Variants in TBC1D31 observed in about 807,000 individuals in gnomAD.
TBC1D31 encodes WD repeat domain 67.
In TBC1D31, 99 loss-of-function variants were observed where a neutral mutation model predicts 132.9. That is an observed-to-expected ratio of 0.74 (90% CI 0.63 to 0.88). The LOEUF (loss-of-function observed/expected upper bound fraction) is 0.88, where lower values mean the gene tolerates loss of function less well. TBC1D31 is among the 40% of genes least tolerant of loss of function. The pLI, the probability that TBC1D31 is intolerant of heterozygous loss-of-function variation, is 0.00. For synonymous variants in TBC1D31, 385 were observed against 419.4 expected (o/e 0.92, Z 1.00); for missense variants, 1,134 against 1,256.6 (o/e 0.90, Z 1.48).
intron 2 of TBC1D31, among the ~76,000 whole-genome samples, chr8:123,081,669 C>G (rs910164018): frequency 6.6e-6 from 1 of 152,200 alleles, no homozygotes; most frequent in South Asian, 2.1e-4. Context: ...GTTTAATGGA[C>G]TCTCTGTTCC....
Position 123,129,057 on chromosome 8 carries a change from C to A in TBC1D31, c.2118-9C>A. 1 of 1,519,132 alleles carries A rather than the reference C, an allele frequency of 6.6e-7. No homozygotes were observed. The highest frequency in any genetic ancestry group is 1.3e-5 in the South Asian group (1 of 75,922). The allele number at this position is 1,519,132 out of a possible 1,614,324, so 94.1% of individuals were successfully genotyped here. On this transcript the variant is annotated splice_polypyrimidine_tract_variant and intron_variant, in intron 14 of 21. Transcript: ENST00000287380. The stretch of plus-strand genomic sequence containing the variant: ...CTTTGTGTTTTCATAATAATATTAC[C>A]TACTTAAGGCAGACAGTTGAAGATA...
chr8:123,100,667 T>C, intron 6 of TBC1D31, 140 bp from the exon 7 acceptor site: 1 of 445,020 alleles, frequency 2.2e-6, no homozygotes, highest in Non-Finnish European at 4.0e-6. Flanking sequence ...TCAAAATATA[T>C]ATATTTATAC....
chr8:123,090,768 T>C (rs1217052597), intron 4 of TBC1D31, among the ~76,000 whole-genome samples: 4 of 151,916 alleles, frequency 2.6e-5, no homozygotes, highest in African/African-American at 9.7e-5. Flanking sequence ...CTGGCCAACA[T>C]AGTGAAACCC....
At chr8:123,151,688 G>C in intron 21 of TBC1D31, 118 bp from the exon 22 acceptor site, 1 of 1,076,366 alleles carries the variant, frequency 9.3e-7, no homozygotes, top group South Asian at 2.0e-5. Flanking sequence ...TAAAATTTAG[G>C]TTTTAGAATT....
intron 11 of TBC1D31, among the ~76,000 whole-genome samples, chr8:123,122,632 T>C (rs1819607758): frequency 6.6e-6 from 1 of 152,206 alleles, no homozygotes; most frequent in Non-Finnish European, 1.5e-5. Context: ...ATGGGATCAT[T>C]GTATAACCCT....
chr8:123,098,507 G>A lies in TBC1D31; in HGVS notation c.831+1066G>A, dbSNP rs368251639. On this transcript the variant is annotated intron_variant, in intron 6 of 21. Transcript: ENST00000287380. ...AGTAGAGACAGGGTTTCACCATACT[G>A]GCCAGGCTGACCTCAAGTGATCCAC... Among the ~76,000 whole-genome samples the A allele has an allele frequency of 1.8e-4, 28 of 152,230 alleles. No individual in the cohort carries two copies. The East Asian group carries it at 2.3e-3, about 13-fold the overall frequency.
intron 11 of TBC1D31, among the ~76,000 whole-genome samples, chr8:123,122,206 A>G (rs911200392): frequency 6.6e-6 from 1 of 152,230 alleles, no homozygotes; most frequent in Non-Finnish European, 1.5e-5. Context: ...ACCCAAAAGA[A>G]TTGAAAACTG....
At chr8:123,091,526 T>A (rs546680455) in intron 4 of TBC1D31, among the ~76,000 whole-genome samples, 1 of 152,356 alleles carries the variant, frequency 6.6e-6, no homozygotes, top group Non-Finnish European at 1.5e-5. Context: ...TACCACAGAT[T>A]GTCTTTAGCA....
intron 17 of TBC1D31, among the ~76,000 whole-genome samples, chr8:123,136,753 G>A (rs1821134908): frequency 6.6e-6 from 1 of 152,136 alleles, no homozygotes; most frequent in African/African-American, 2.4e-5. Flanking sequence ...CCCAGCCTAT[G>A]CTGAGTTTTT....
intron 2 of TBC1D31, among the ~76,000 whole-genome samples, chr8:123,081,664 A>G (rs894331051): frequency 4.6e-5 from 7 of 152,236 alleles, no homozygotes; most frequent in Non-Finnish European, 1.0e-4. Flanking sequence ...AAGAGGTTTA[A>G]TGGACTCTCT....
intron 1 of TBC1D31, chr8:123,074,973 C>T (rs572574989): frequency 2.0e-5 from 3 of 152,278 alleles, no homozygotes; most frequent in Admixed American, 2.0e-4. Context: ...AAATTTTTTA[C>T]GTGTGATTTA....
chr8:123,084,124 G>C (rs1318109399), intron 3 of TBC1D31, 38 bp from the exon 4 acceptor site: 1 of 1,571,186 alleles, frequency 6.4e-7, no homozygotes, highest in Non-Finnish European at 8.7e-7. Flanking sequence ...TAGACGTACA[G>C]TGTTTTACCT....
In TBC1D31 at chr8:123,127,261, A is replaced by ATTTTTTTTTTTTTTTT. The variant is rs35198781; in HGVS notation, c.1884+585_1884+600dup. ...TAATATTGGGGTTTGTGCTTTTTGC[A>ATTTTTTTTTTTTTTTT]TTTTTTTTTTTTTTTTTTTTTTTTT... On this transcript the variant is annotated intron_variant, in intron 13 of 21. Transcript: ENST00000287380. 9.9e-4 allele frequency among the ~76,000 whole-genome samples: 69 copies of ATTTTTTTTTTTTTTTT among 69,916 alleles called. 5 individuals carry two copies. Among genetic ancestry groups the ATTTTTTTTTTTTTTTT allele is most frequent in the African/African-American group, 4.0e-3 (66 of 16,364 alleles). 45.9% of individuals were successfully genotyped at this position (69,916 alleles called of 152,430 possible). A position where few individuals can be genotyped will look rare whatever the true frequency, so the allele number is the denominator to read the frequency against.
intron 4 of TBC1D31, among the ~76,000 whole-genome samples, chr8:123,092,711 G>A (rs1210673282): frequency 6.6e-6 from 1 of 151,774 alleles, no homozygotes; most frequent in Non-Finnish European, 1.5e-5. Context: ...ATGCAGTGGT[G>A]CAATCTTGAC....
chr8:123,150,614 T>C (rs1420491188), intron 21 of TBC1D31, among the ~76,000 whole-genome samples: 2 of 152,188 alleles, frequency 1.3e-5, no homozygotes, highest in Non-Finnish European at 2.9e-5. Flanking sequence ...CCAGCAGCAG[T>C]AGAATGGCCA....
Position 123,126,310 on chromosome 8 carries a change from A to G in TBC1D31, c.1704+121A>G, listed in dbSNP as rs760646667. On this transcript the variant is annotated intron_variant, in intron 12 of 21. Transcript: ENST00000287380. Reference sequence around the variant, plus strand: ...AAGCATACTACATGTTGTATTTTTAACAGTATTCCATTCTTTTTCTTCATT... The same window carrying G: ...AAGCATACTACATGTTGTATTTTTAGCAGTATTCCATTCTTTTTCTTCATT... The G allele has an allele frequency of 6.8e-6, 9 of 1,316,856 alleles. No individual in the cohort carries two copies. The South Asian group carries it at 1.1e-4, about 16-fold the overall frequency. The allele number at this position is 1,316,856 out of a possible 1,614,324, so 81.6% of individuals were successfully genotyped here.
At chr8:123,100,694 A>G (rs1586614346) in intron 6 of TBC1D31, 113 bp from the exon 7 acceptor site, 2 of 665,772 alleles carry the variant, frequency 3.0e-6, no homozygotes, top group East Asian at 2.8e-5. Flanking sequence ...ACACACATAT[A>G]CACACACACA....
At chr8:123,088,821 T>A (rs190800721) in intron 4 of TBC1D31, among the ~76,000 whole-genome samples, 1 of 152,326 alleles carries the variant, frequency 6.6e-6, no homozygotes, top group Non-Finnish European at 1.5e-5. Flanking sequence ...ACATTAATTT[T>A]CTGGAGAGAT....
chr8:123,111,091 G>A (rs1163223860), intron 10 of TBC1D31, among the ~76,000 whole-genome samples: 1 of 149,638 alleles, frequency 6.7e-6, no homozygotes, highest in African/African-American at 2.5e-5. Flanking sequence ...CTGAGTCAAG[G>A]TTTTTTTTTT....
Sources: gnomAD v4.1 joint callset for allele counts (sites outside exome capture counted in the v4.1 genomes callset) on GRCh38, gnomAD v4.1.1 for gene constraint, MANE v1.5 for transcripts, NCBI Gene and HGNC (gene_info 2026-07-23, HGNC 2026-07-21) for gene names.